Variants in AGBL4 observed in about 807,000 individuals in gnomAD.
AGBL4 encodes AGBL carboxypeptidase 4.
AGBL4 carries 58 observed loss-of-function variants against 66.4 expected under a neutral mutation model. The observed-to-expected ratio is 0.87, with a 90% CI of 0.71 to 1.09. AGBL4 has a LOEUF of 1.09. Ranked by LOEUF, AGBL4 falls within the 50% of genes least tolerant of loss-of-function variation. AGBL4 has a pLI of 0.00. For synonymous variants in AGBL4, 234 were observed against 222.9 expected (o/e 1.05, Z -0.44); for missense variants, 579 against 631.0 (o/e 0.92, Z 0.88).
At chr1:49,339,398 T>C (rs1315295819) in intron 3 of AGBL4, among the ~76,000 whole-genome samples, 1 of 152,156 alleles carries the variant, frequency 6.6e-6, no homozygotes, top group African/African-American at 2.4e-5. Flanking sequence ...TCGTGGATGG[T>C]GGACAGTGGG....
At position 49,867,947 on chromosome 1, in the gene AGBL4, C is replaced by T. The variant is rs561820447; in HGVS notation, c.35-16429G>A. Among the ~76,000 whole-genome samples, 4 of 152,254 alleles carry T rather than the reference C, an allele frequency of 2.6e-5. No homozygotes were observed. In the South Asian group the frequency reaches 8.3e-4, roughly 32 times the overall value. On this transcript the variant is annotated intron_variant, in intron 1 of 13. Coordinates refer to ENST00000371839, the MANE Select transcript of AGBL4 (RefSeq NM_032785.4). ...AATGGCAAGCTGGATAGACTCAAGA[C>T]TCTTTGGTGTGCTGTATTCAAGAGA...
intron 5 of AGBL4, among the ~76,000 whole-genome samples, chr1:48,879,052 A>G (rs770838574): frequency 1.3e-5 from 2 of 152,156 alleles, no homozygotes; most frequent in Non-Finnish European, 2.9e-5. Context: ...GACAGAAGGT[A>G]TTGTTGCTTG....
At chr1:49,179,699 G>A (rs1028665799) in intron 4 of AGBL4, among the ~76,000 whole-genome samples, 1 of 151,866 alleles carries the variant, frequency 6.6e-6, no homozygotes, top group African/African-American at 2.4e-5. Flanking sequence ...CTATGACACA[G>A]AGAAACAGAC....
intron 2 of AGBL4, among the ~76,000 whole-genome samples, chr1:49,747,171 T>G (rs1341097552): frequency 6.6e-6 from 1 of 152,196 alleles, no homozygotes; most frequent in East Asian, 1.9e-4. Flanking sequence ...TGATATTTTA[T>G]TTTCACCTTC....
chr1:49,138,399 A>T (rs1042853401), intron 4 of AGBL4, among the ~76,000 whole-genome samples: 6 of 151,854 alleles, frequency 4.0e-5, no homozygotes, highest in African/African-American at 1.2e-4. Flanking sequence ...TTCTTCCTAA[A>T]CTCCTCCCTT....
chr1:49,994,815 G>A, intron 1 of AGBL4: 1 of 306,624 alleles, frequency 3.3e-6, no homozygotes, highest in South Asian at 3.0e-5. Flanking sequence ...AGCTGTAAGT[G>A]CCCAAAGTGC....
At chr1:49,012,479 A>G (rs1397859362) in intron 5 of AGBL4, among the ~76,000 whole-genome samples, 2 of 152,230 alleles carry the variant, frequency 1.3e-5, no homozygotes, top group Non-Finnish European at 2.9e-5. Context: ...AAGAGCATGT[A>G]GTTGTCATAA....
At chr1:49,391,591 T>C (rs1429670857) in intron 3 of AGBL4, among the ~76,000 whole-genome samples, 5 of 142,898 alleles carry the variant, frequency 3.5e-5, no homozygotes, top group Non-Finnish European at 7.5e-5. Context: ...AGACGGAGTC[T>C]CGCTCTATCG....
chr1:48,866,480 C>A (rs535944795), intron 6 of AGBL4, among the ~76,000 whole-genome samples: 1 of 152,170 alleles, frequency 6.6e-6, no homozygotes, highest in Non-Finnish European at 1.5e-5. Context: ...ATAACCACCA[C>A]ATCAACTCTC....
At chr1:49,075,282 G>C (rs535342419) in intron 4 of AGBL4, among the ~76,000 whole-genome samples, 2 of 152,276 alleles carry the variant, frequency 1.3e-5, no homozygotes, top group Middle Eastern at 3.4e-3. Context: ...AACAAAGTTT[G>C]AAGTAAGATT....
chr1:49,867,099 G>C (rs376691960), intron 1 of AGBL4, among the ~76,000 whole-genome samples: 36 of 152,068 alleles, frequency 2.4e-4, no homozygotes, highest in African/African-American at 8.7e-4. Context: ...CGGGAGGTGC[G>C]GCCAGGTCTT....
chr1:48,634,596 A>G lies in AGBL4; in HGVS notation c.848T>C (p.Leu283Pro). Reference sequence around the variant, plus strand: ...GTGACGATTCAGATCAAATCCCATCAGAGAACACCTAGGCAGTACCCAAAG... The same window carrying G: ...GTGACGATTCAGATCAAATCCCATCGGAGAACACCTAGGCAGTACCCAAAG... ...GVYLGNYRCS[L>P]MGFDLNRHWL... Residue 283 changes from leucine (L) to proline (P), a missense_variant, in exon 9 of 14, where the codon CTG becomes CCG. Leu to Pro is a moderately conservative substitution (Grantham distance 98). Transcript: ENST00000371839. The G allele has an allele frequency of 6.3e-7, 1 of 1,598,636 alleles. No individual in the cohort carries two copies. Among genetic ancestry groups the G allele is most frequent in the East Asian group, 2.3e-5 (1 of 44,294 alleles).
At chr1:49,047,822 A>T (rs1644117057) in intron 4 of AGBL4, among the ~76,000 whole-genome samples, 1 of 152,142 alleles carries the variant, frequency 6.6e-6, no homozygotes, top group Non-Finnish European at 1.5e-5. Context: ...TGAGGATCCA[A>T]GTGGGATTAT....
chr1:48,589,345 G>A (rs936419991), intron 10 of AGBL4, among the ~76,000 whole-genome samples: 1 of 152,104 alleles, frequency 6.6e-6, no homozygotes, highest in Non-Finnish European at 1.5e-5. Context: ...ATCTTAACAC[G>A]CAGAGAAATT....
intron 2 of AGBL4, among the ~76,000 whole-genome samples, chr1:49,704,357 T>C (rs540146701): frequency 1.3e-5 from 2 of 152,136 alleles, no homozygotes; most frequent in African/African-American, 4.8e-5. Flanking sequence ...TTAACAAAGA[T>C]GACAAGGAAA....
intron 2 of AGBL4, among the ~76,000 whole-genome samples, chr1:49,760,646 C>A (rs1426535546): frequency 1.3e-5 from 2 of 152,122 alleles, no homozygotes; most frequent in Non-Finnish European, 2.9e-5. Flanking sequence ...AGAAATACCA[C>A]TTGACCCAGG....
At chr1:49,987,755 C>T (rs1444440168) in intron 1 of AGBL4, among the ~76,000 whole-genome samples, 2 of 151,766 alleles carry the variant, frequency 1.3e-5, no homozygotes, top group African/African-American at 2.4e-5. Flanking sequence ...AACTTTTTCA[C>T]CCAATTTCTC....
intron 9 of AGBL4, among the ~76,000 whole-genome samples, chr1:48,611,766 T>C (rs1234564597): frequency 6.6e-6 from 1 of 152,244 alleles, no homozygotes; most frequent in East Asian, 1.9e-4. Flanking sequence ...CATATGCCTT[T>C]AACCACCAGG....
intron 3 of AGBL4, among the ~76,000 whole-genome samples, chr1:49,640,026 C>T (rs998491840): frequency 6.6e-6 from 1 of 152,078 alleles, no homozygotes; most frequent in Non-Finnish European, 1.5e-5. Context: ...AGGAAGGAGA[C>T]AGGAGGCCAA....
Sources: gnomAD v4.1 joint callset for allele counts (sites outside exome capture counted in the v4.1 genomes callset) on GRCh38, gnomAD v4.1.1 for gene constraint, MANE v1.5 for transcripts, NCBI Gene and HGNC (gene_info 2026-07-23, HGNC 2026-07-21) for gene names.